LIN54: variants seen among roughly 807,000 people sequenced by gnomAD.
The protein encoded by LIN54 is lin-54 DREAM MuvB core complex component.
Under a neutral mutation model 78.7 loss-of-function variants are expected in LIN54, and 9 were observed. The ratio of observed to expected loss-of-function variants is 0.11; its 90% CI spans 0.07 to 0.20. LIN54 has a LOEUF of 0.20. Ranked by LOEUF, LIN54 falls within the 10% of genes least tolerant of loss-of-function variation. The pLI, the probability that LIN54 is intolerant of heterozygous loss-of-function variation, is 1.00. For synonymous variants in LIN54, 269 were observed against 318.4 expected (o/e 0.84, Z 1.65); for missense variants, 573 against 889.9 (o/e 0.64, Z 4.53).
chr4:82,974,556 G>T (rs1419907317), intron 3 of LIN54, among the ~76,000 whole-genome samples: 1 of 151,992 alleles, frequency 6.6e-6, no homozygotes, highest in Non-Finnish European at 1.5e-5. Flanking sequence ...GGCCAACGTG[G>T]TGAAACACCA....
chr4:82,931,038 C>T lies in LIN54; in HGVS notation c.1953G>A (p.Arg651=), dbSNP rs1721905654. 2 of 1,614,016 alleles carry T rather than the reference C, an allele frequency of 1.2e-6. No individual in the cohort carries two copies. The highest frequency in any genetic ancestry group is 1.3e-5 in the African/African-American group (1 of 74,904). The part of the protein sequence containing the change: ...LMHLADAAEV[R]VQQQTAAKTK... ...TCTTGGCTGCTGTTTGTTGCTGTAC[C>T]CTTACTTCAGCTGCATCTGCCAAAT... Residue 651 remains arginine, a synonymous_variant, in exon 12 of 13, where the codon AGG becomes AGA. Transcript: ENST00000340417.
intron 2 of LIN54, among the ~76,000 whole-genome samples, chr4:82,982,452 A>T (rs1726758090): frequency 6.6e-6 from 1 of 151,896 alleles, no homozygotes; most frequent in Non-Finnish European, 1.5e-5. Context: ...CTGGTCTCGA[A>T]CTCCTGGCCT....
intron 12 of LIN54, among the ~76,000 whole-genome samples, chr4:82,929,093 A>C (rs939121654): frequency 6.6e-6 from 1 of 152,234 alleles, no homozygotes; most frequent in Admixed American, 6.5e-5. Context: ...ATTAAAGCTC[A>C]CTATGGCAAG....
At chr4:82,966,995 C>T (rs1331529656) in intron 4 of LIN54, among the ~76,000 whole-genome samples, 1 of 151,814 alleles carries the variant, frequency 6.6e-6, no homozygotes, top group East Asian at 1.9e-4. Context: ...TTTGGGAGGC[C>T]GAGGCAGGCA....
At chr4:83,000,215 T>C (rs1728637272) in intron 1 of LIN54, among the ~76,000 whole-genome samples, 1 of 152,134 alleles carries the variant, frequency 6.6e-6, no homozygotes, top group Non-Finnish European at 1.5e-5. Flanking sequence ...TCAATGCAGA[T>C]GAAAGTGCCT....
intron 1 of LIN54, among the ~76,000 whole-genome samples, chr4:83,000,896 C>A (rs1435142723): frequency 7.1e-6 from 1 of 141,558 alleles, no homozygotes; most frequent in Non-Finnish European, 1.5e-5. Context: ...CAGCTCACTG[C>A]AACCTCTGCC....
chr4:82,935,850 C>T (rs1722354381), intron 11 of LIN54, 131 bp downstream of exon 11: 2 of 887,646 alleles, frequency 2.3e-6, no homozygotes, highest in South Asian at 1.5e-5. Flanking sequence ...AAACAAGGGC[C>T]TTTGCACCAA....
Position 82,940,397 on chromosome 4 carries a change from GT to G in LIN54, c.1169-436del, listed in dbSNP as rs375642563. 2.6e-5 allele frequency among the ~76,000 whole-genome samples: 4 copies of G among 151,004 alleles called. No individual in the cohort carries two copies. The East Asian group carries it at 5.8e-4, about 22-fold the overall frequency. The stretch of plus-strand genomic sequence containing the variant: ...GAGAATATATCATTCTTGGGTTTTT[GT>G]TTTTTTTTGAGACGGAGACTCACTC... On this transcript the variant is annotated intron_variant, in intron 5 of 12. Transcript: ENST00000340417.
At chr4:83,009,045 A>G (rs1344855709) in intron 1 of LIN54, among the ~76,000 whole-genome samples, 10 of 152,240 alleles carry the variant, frequency 6.6e-5, no homozygotes, top group Non-Finnish European at 1.5e-5. Context: ...ATAATACAGC[A>G]TCAGACAAAT....
At chr4:82,928,397 T>A (rs1721661362) in intron 12 of LIN54, 94 bp from the exon 13 acceptor site, 1 of 926,880 alleles carries the variant, frequency 1.1e-6, no homozygotes, top group Admixed American at 1.9e-5. Flanking sequence ...TACTGACACT[T>A]TCACAATTCA....
At chr4:83,003,988 CA>C (rs555257778) in intron 1 of LIN54, among the ~76,000 whole-genome samples, 1,938 of 152,198 alleles carry the variant, frequency 0.013, 20 homozygotes, top group Middle Eastern at 0.027. Flanking sequence ...AAATAAATGA[CA>C]TATTTATGCC....
At chr4:82,974,997 C>T (rs10011004) in intron 3 of LIN54, among the ~76,000 whole-genome samples, 97,392 of 151,948 alleles carry the variant, frequency 0.64, 33,159 homozygotes, top group Admixed American at 0.76. Flanking sequence ...GTTTTAGAGA[C>T]GGGATGGTGG....
rs942121888 is a variant in LIN54 at position 82,970,369 on chromosome 4, T to G, written c.909A>C (p.Thr303=). The G allele has an allele frequency of 1.9e-6, 3 of 1,612,532 alleles. No homozygotes were observed. The highest frequency in any genetic ancestry group is 2.2e-5 in the South Asian group (2 of 90,654). ...IGSTLNSTTQ[T]PNKIAISPLK... is the part of the protein sequence containing the mutation. ...AAGGTGAGATGGCTATTTTATTTGGTGTCTGTGTTGTAGAATTTAAAGTTG... is the reference window on the plus strand; with the variant it reads ...AAGGTGAGATGGCTATTTTATTTGGGGTCTGTGTTGTAGAATTTAAAGTTG... The change falls in exon 4 of 13, where the codon ACA becomes ACC. Residue 303 remains threonine, a synonymous_variant. Coordinates refer to ENST00000340417, the MANE Select transcript of LIN54 (RefSeq NM_194282.4).
At chr4:82,969,826 A>C (rs1725498212) in intron 4 of LIN54, among the ~76,000 whole-genome samples, 1 of 152,220 alleles carries the variant, frequency 6.6e-6, no homozygotes, top group South Asian at 2.1e-4. Flanking sequence ...TAAAATAAGA[A>C]AGCATTTGAA....
chr4:82,979,067 AT>A, intron 2 of LIN54, 61 bp from the exon 3 acceptor site: 1 of 1,315,388 alleles, frequency 7.6e-7, no homozygotes, highest in Non-Finnish European at 1.1e-6. Context: ...TTAAATCAAA[AT>A]TATACCAAAG....
At chr4:82,979,921 G>A (rs982984429) in intron 2 of LIN54, among the ~76,000 whole-genome samples, 44 of 114,572 alleles carry the variant, frequency 3.8e-4, no homozygotes, top group African/African-American at 1.3e-3. Context: ...GGGTGACAGA[G>A]TGAGTGAGAC....
chr4:82,952,787 AG>A (rs1304179836), intron 4 of LIN54, among the ~76,000 whole-genome samples: 2 of 152,218 alleles, frequency 1.3e-5, no homozygotes, highest in Non-Finnish European at 2.9e-5. Context: ...AGCCCTAAAA[AG>A]GAAGGGTATT....
At chr4:82,980,569 A>C (rs74287390) in intron 2 of LIN54, among the ~76,000 whole-genome samples, 1 of 18 alleles carries the variant, frequency 0.056, no homozygotes, top group African/African-American at 0.1. Context: ...CAAATCACTT[A>C]AAAAAAAACA....
rs539489365 is a variant in LIN54, at chr4:82,955,825, C to T, written c.952-9351G>A. ...CAAAAGTGTCCCTATCTTTTCTATACATAAAGACACATCTACAGATGAAAT... is the reference window on the plus strand; with the variant it reads ...CAAAAGTGTCCCTATCTTTTCTATATATAAAGACACATCTACAGATGAAAT... On this transcript the variant is annotated intron_variant, in intron 4 of 12. Transcript: ENST00000340417. Among the ~76,000 whole-genome samples the T allele has an allele frequency of 5.9e-4, 89 of 151,372 alleles. 1 individual carries two copies. The highest frequency in any genetic ancestry group is 2.1e-3 in the African/African-American group (86 of 41,336).
Sources: allele counts gnomAD v4.1 joint callset (sites outside exome capture counted in the v4.1 genomes callset), GRCh38; gene constraint gnomAD v4.1.1; transcripts MANE v1.5; gene names NCBI Gene and HGNC (gene_info 2026-07-23, HGNC 2026-07-21).